Variants in UTP20 observed in about 807,000 individuals in gnomAD.
The protein encoded by UTP20 is small subunit processome component 20 homolog.
In UTP20, 164 loss-of-function variants were observed where a neutral mutation model predicts 329.5. The ratio of observed to expected loss-of-function variants is 0.50; its 90% confidence interval spans 0.44 to 0.57. The LOEUF is 0.57. Ranked by LOEUF, UTP20 falls within the 20% of genes least tolerant of loss-of-function variation. The probability of loss-of-function intolerance (pLI) is 0.00; values close to 1 mark genes in which losing one functional copy is unlikely to be tolerated. For synonymous variants in UTP20, 1,151 were observed against 1,159.3 expected, an observed-to-expected ratio of 0.99 and a Z score of 0.14; for missense variants, 3,055 against 3,284.2, an observed-to-expected ratio of 0.93 and a Z score of 1.71.
chr12:101,348,506 A>G (rs983082798), intron 38 of UTP20, among the ~76,000 whole-genome samples: 17 of 152,096 alleles, frequency 1.1e-4, no homozygotes, highest in African/African-American at 3.9e-4. Flanking sequence ...TAAGTAGTCA[A>G]TTATCTTTTA....
In UTP20 at chr12:101,365,360, G is replaced by A. The variant is rs150732751; in HGVS notation, c.5959-99G>A. ...CTTTTTAATTAGGAGAAAGCCAAACGTATATTAGAAAGCTAATATATAAAA... is the reference window on the plus strand; with the variant it reads ...CTTTTTAATTAGGAGAAAGCCAAACATATATTAGAAAGCTAATATATAAAA... On this transcript the variant is annotated intron_variant, in intron 45 of 61. Transcript: ENST00000261637. 5.9e-3 allele frequency: 4,759 copies of A among 804,492 alleles called. 31 individuals carry two copies. The highest frequency in any genetic ancestry group is 0.012 in the Admixed American group (335 of 28,896). The allele number at this position is 804,492 out of a possible 1,614,324, so 49.8% of individuals were successfully genotyped here.
intron 12 of UTP20, 132 bp downstream of exon 12, chr12:101,295,790 A>C (rs1872327172): frequency 9.7e-7 from 1 of 1,036,196 alleles, no homozygotes; most frequent in African/African-American, 1.6e-5. Context: ...TGAAAAAAGC[A>C]AGTTGTAGAG....
At chr12:101,380,250 C>A (rs1870598443) in intron 57 of UTP20, among the ~76,000 whole-genome samples, 1 of 151,826 alleles carries the variant, frequency 6.6e-6, no homozygotes, top group Admixed American at 6.6e-5. Flanking sequence ...TGGTGGTGTA[C>A]ACCTGTAGTC....
chr12:101,361,658 AATAAATAAATAAAT>A lies in UTP20; in HGVS notation c.5692-302_5692-289del, dbSNP rs747360528. Among the ~76,000 whole-genome samples, 33 of 122,772 alleles carry A rather than the reference AATAAATAAATAAAT, an allele frequency of 2.7e-4. 2 individuals are homozygous for A. The highest frequency in any genetic ancestry group is 1.6e-3 in the Admixed American group (18 of 11,120). 80.5% of individuals were successfully genotyped at this position (122,772 alleles called of 152,430 possible). A position where few individuals can be genotyped will look rare whatever the true frequency, so the allele number is the denominator to read the frequency against. On this transcript the variant is annotated intron_variant, in intron 43 of 61. Coordinates refer to ENST00000261637, the MANE Select transcript of UTP20 (RefSeq NM_014503.3). The stretch of plus-strand genomic sequence containing the variant: ...AAATAAATAAATAAATAAATAAATA[AATAAATAAATAAAT>A]AAATAAAGTTCAAGACTCTTGTGCC...
At chr12:101,383,769 GA>G in intron 60 of UTP20, 100 bp downstream of exon 60, 2 of 904,138 alleles carry the variant, frequency 2.2e-6, no homozygotes, top group Non-Finnish European at 3.0e-6. Flanking sequence ...CTCCCTGCCT[GA>G]GATTTATTTT....
chr12:101,307,302 C>CAT (rs1277696223), intron 17 of UTP20, among the ~76,000 whole-genome samples: 2 of 149,866 alleles, frequency 1.3e-5, no homozygotes, highest in African/African-American at 4.9e-5. Flanking sequence ...AATACACACA[C>CAT]ACACACACAC....
In UTP20 at chr12:101,321,641, G is replaced by T; in HGVS notation, c.3041+12G>T. 4 of 1,608,468 alleles carry T rather than the reference G, an allele frequency of 2.5e-6. No homozygotes were observed. Among genetic ancestry groups the T allele is most frequent in the Admixed American group, 3.4e-5 (2 of 59,084 alleles). On this transcript the variant is annotated intron_variant, in intron 25 of 61. Transcript: ENST00000261637. ...CCTATTCTGATGAGGTATTTATGCTGTTCAAACACTGATTTTTAAAAAGTT... is the reference window on the plus strand; with the variant it reads ...CCTATTCTGATGAGGTATTTATGCTTTTCAAACACTGATTTTTAAAAAGTT...
intron 22 of UTP20, among the ~76,000 whole-genome samples, chr12:101,319,150 A>G (rs1224808617): frequency 6.6e-6 from 1 of 152,212 alleles, no homozygotes; most frequent in Non-Finnish European, 1.5e-5. Flanking sequence ...CTGTATTTAC[A>G]TTATAATAAA....
chr12:101,290,179 C>T lies in UTP20; in HGVS notation c.640C>T (p.Leu214Phe). ...NALFNLMFLD[L>F]DKHPEKVEGV... ...ACTTTTCAATTTAATGTTTCTTGATCTTGATAAACATCCAGAAAAAGTTGA... is the reference window on the plus strand; with the variant it reads ...ACTTTTCAATTTAATGTTTCTTGATTTTGATAAACATCCAGAAAAAGTTGA... The change falls in exon 7 of 62, where the codon CTT (leucine) becomes TTT (phenylalanine). Residue 214 changes from leucine (L) to phenylalanine (F), a missense_variant. Around this residue, in one of 3 missense-constraint regions of UTP20, gnomAD observed 2,445 missense variants for 2,575.5 expected, o/e 0.95. Coordinates refer to ENST00000261637, the MANE Select transcript of UTP20 (RefSeq NM_014503.3). The T allele has an allele frequency of 1.2e-6, 2 of 1,606,398 alleles. No individual in the cohort carries two copies. Among genetic ancestry groups the T allele is most frequent in the Non-Finnish European group, 1.7e-6 (2 of 1,175,832 alleles).
intron 18 of UTP20, among the ~76,000 whole-genome samples, chr12:101,308,980 T>C (rs2137250263): frequency 6.6e-6 from 1 of 151,868 alleles, no homozygotes; most frequent in African/African-American, 2.4e-5. Context: ...TGATCCGCCC[T>C]CCTCGGCGTC....
intron 21 of UTP20, 72 bp from the exon 22 acceptor site, chr12:101,317,406 T>C: frequency 6.6e-7 from 1 of 1,520,248 alleles, no homozygotes; most frequent in South Asian, 1.3e-5. Flanking sequence ...ACATCTCTCA[T>C]GAACAGAATC....
chr12:101,370,384 C>G (rs984848906), intron 49 of UTP20, 48 bp from the exon 50 acceptor site: 1 of 1,583,294 alleles, frequency 6.3e-7, no homozygotes, highest in African/African-American at 1.3e-5. Flanking sequence ...TCACTGGATC[C>G]CAACTGTGGG....
rs1472182506 is a variant in UTP20 at position 101,300,037 on chromosome 12, G to A, written c.1651G>A (p.Val551Ile). Residue 551 changes from valine to isoleucine, a missense_variant, in exon 14 of 62, where the codon GTT (valine) becomes ATT (isoleucine). By Grantham distance (29) the Val-to-Ile change is conservative (BLOSUM62 3). This residue lies in a region of UTP20 where 2,445 missense variants were observed against 2,575.5 expected (regional missense o/e 0.95). Transcript: ENST00000261637. ...CTTCATAGAGGCACTCTTCATGACT[G>A]TTGACAAAGGAAGCTTTGGGAAAGG... Reference protein sequence around the residue: ...TGFIEALFMTVDKGSFGKGNL... With the variant: ...TGFIEALFMTIDKGSFGKGNL... 12 of 1,614,052 alleles carry A rather than the reference G, an allele frequency of 7.4e-6. No homozygotes were observed. The African/African-American group carries it at 1.1e-4, about 14-fold the overall frequency.
intron 7 of UTP20, 117 bp from the exon 8 acceptor site, chr12:101,290,616 C>T (rs1175765879): frequency 8.4e-7 from 1 of 1,183,614 alleles, no homozygotes. Context: ...TTGCCATATC[C>T]TTGACTATTC....
chr12:101,334,446 A>G lies in UTP20; in HGVS notation c.3583A>G (p.Ser1195Gly), dbSNP rs772343743. Residue 1195 changes from serine (S) to glycine (G), a missense_variant, in exon 29 of 62, where the codon AGT becomes GGT. Transcript: ENST00000261637. ...CTAGATCAGCAGGCTTGGATCTGAG[A>G]GTCAATATTCTCCTACTCCTCTGCT... ...WPQISRLGSE[S>G]QYSPTPLLKL... The G allele has an allele frequency of 1.2e-6, 2 of 1,612,190 alleles. No homozygotes were observed. Among genetic ancestry groups the G allele is most frequent in the South Asian group, 1.1e-5 (1 of 91,012 alleles).
chr12:101,299,851 C>T lies in UTP20; in HGVS notation c.1586+14C>T. ...ACCTCATATTAGGTAAGAAAATAAG[C>T]TATGTTTAATTTTGAAAGAGATAAC... is the stretch of plus-strand genomic sequence containing the variant. On this transcript the variant is annotated intron_variant, in intron 13 of 61. Coordinates refer to ENST00000261637, the MANE Select transcript of UTP20 (RefSeq NM_014503.3). The T allele has an allele frequency of 6.2e-7, 1 of 1,601,622 alleles. No individual in the cohort carries two copies. The highest frequency in any genetic ancestry group is 8.5e-7 in the Non-Finnish European group (1 of 1,175,506).
rs779447493 is a variant in UTP20, at chr12:101,320,911, T to C, written c.2889T>C (p.Tyr963=). Residue 963 remains tyrosine, a synonymous_variant, in exon 24 of 62, where the codon TAT becomes TAC. Transcript: ENST00000261637. ...QKITLDCIMT[Y]KHPHVLPYRE... is the part of the protein sequence containing the mutation. ...TAACCTTGGATTGCATAATGACATATAAACATCCTCATGTCCTCCCTTACA... is the reference window on the plus strand; with the variant it reads ...TAACCTTGGATTGCATAATGACATACAAACATCCTCATGTCCTCCCTTACA... The C allele has an allele frequency of 1.2e-6, 2 of 1,610,940 alleles. No individual in the cohort carries two copies. Among genetic ancestry groups the C allele is most frequent in the Non-Finnish European group, 1.7e-6 (2 of 1,179,438 alleles).
chr12:101,292,864 G>A (rs1872210741), intron 10 of UTP20, among the ~76,000 whole-genome samples: 2 of 152,208 alleles, frequency 1.3e-5, no homozygotes, highest in Non-Finnish European at 2.9e-5. Flanking sequence ...AAATAGAAAG[G>A]TTGGTTAAGT....
intron 28 of UTP20, among the ~76,000 whole-genome samples, chr12:101,333,943 C>T (rs1209898709): frequency 6.6e-6 from 1 of 152,218 alleles, no homozygotes; most frequent in Non-Finnish European, 1.5e-5. Context: ...GGATTACAGG[C>T]GTGAGCCACT....
Sources: gnomAD v4.1 joint callset for allele counts (sites outside exome capture counted in the v4.1 genomes callset) on GRCh38, gnomAD v4.1.1 for gene constraint, gnomAD v4.1.1 regional missense constraint, MANE v1.5 for transcripts, NCBI Gene and HGNC (gene_info 2026-07-23, HGNC 2026-07-21) for gene names.